The following NT5M variants were observed in gnomAD, a reference collection of about 807,000 sequenced individuals.
NT5M encodes 5'(3')-deoxyribonucleotidase, mitochondrial.
Under a neutral mutation model 22.2 loss-of-function variants are expected in NT5M, and 22 were observed. The observed-to-expected ratio is 0.99, with a 90% confidence interval of 0.71 to 1.41. The LOEUF (loss-of-function observed/expected upper bound fraction) is 1.41. Among genes scored for constraint, NT5M ranks in the 40% most tolerant of loss-of-function variants. The probability of loss-of-function intolerance (pLI) is 0.00; values close to 1 mark genes in which losing one functional copy is unlikely to be tolerated. For synonymous variants in NT5M, 167 were observed against 133.0 expected, an observed-to-expected ratio of 1.26 and a Z score of -1.76; for missense variants, 322 against 314.8, an observed-to-expected ratio of 1.02 and a Z score of -0.17.
chr17:17,319,930 C>T (rs1321641186), intron 2 of NT5M, among the ~76,000 whole-genome samples: 2 of 151,990 alleles, frequency 1.3e-5, no homozygotes, highest in East Asian at 3.9e-4. Flanking sequence ...GCAACCTCCG[C>T]CTTTTGGATT....
chr17:17,320,316 G>A (rs2049124455), intron 2 of NT5M, among the ~76,000 whole-genome samples: 1 of 152,324 alleles, frequency 6.6e-6, no homozygotes, highest in South Asian at 2.1e-4. Flanking sequence ...TGAAGAGTCA[G>A]TGGAGGTGGT....
intron 2 of NT5M, among the ~76,000 whole-genome samples, chr17:17,308,245 TAC>T (rs1291903381): frequency 6.6e-6 from 1 of 152,158 alleles, no homozygotes; most frequent in Non-Finnish European, 1.5e-5. Flanking sequence ...TGTTGACAAT[TAC>T]AGAGGATGTG....
intron 3 of NT5M, among the ~76,000 whole-genome samples, chr17:17,343,662 TGAGC>T: frequency 6.6e-6 from 1 of 152,238 alleles, no homozygotes; most frequent in East Asian, 1.9e-4. Flanking sequence ...GGCAGAGCCC[TGAGC>T]TCCCTGTGCA....
intron 2 of NT5M, among the ~76,000 whole-genome samples, chr17:17,313,563 G>GTT (rs1256419627): frequency 2.0e-5 from 3 of 152,224 alleles, no homozygotes; most frequent in Non-Finnish European, 4.4e-5. Context: ...CAGCAGCAGA[G>GTT]ACCAAGGCTG....
intron 3 of NT5M, among the ~76,000 whole-genome samples, chr17:17,339,149 T>C (rs2049587515): frequency 6.6e-6 from 1 of 152,226 alleles, no homozygotes. Context: ...CCACTTTTTG[T>C]GTCTTCAATT....
At chr17:17,320,359 A>T (rs1181254990) in intron 2 of NT5M, among the ~76,000 whole-genome samples, 1 of 152,006 alleles carries the variant, frequency 6.6e-6, no homozygotes, top group Non-Finnish European at 1.5e-5. Flanking sequence ...ACTCAGTTTG[A>T]CTAGGGTGAG....
intron 2 of NT5M, among the ~76,000 whole-genome samples, chr17:17,315,071 T>G (rs992198253): frequency 5.9e-5 from 9 of 152,172 alleles, no homozygotes; most frequent in Non-Finnish European, 4.4e-5. Flanking sequence ...CATCACACAC[T>G]CAAAATATTT....
At chr17:17,329,172 G>T (rs964569779) in intron 3 of NT5M, among the ~76,000 whole-genome samples, 1 of 152,108 alleles carries the variant, frequency 6.6e-6, no homozygotes, top group Non-Finnish European at 1.5e-5. Context: ...TAGAGACGGG[G>T]TTTCACTGTG....
intron 2 of NT5M, among the ~76,000 whole-genome samples, chr17:17,315,220 C>T (rs995289598): frequency 5.9e-5 from 9 of 152,098 alleles, no homozygotes; most frequent in South Asian, 2.1e-4. Context: ...TGCTCACTGT[C>T]GTGAAGCCTA....
chr17:17,329,070 C>CG (rs1266436039), intron 3 of NT5M, among the ~76,000 whole-genome samples: 5 of 152,152 alleles, frequency 3.3e-5, no homozygotes, highest in African/African-American at 1.2e-4. Context: ...CTCCCCATCC[C>CG]GGGTTCATGC....
intron 3 of NT5M, among the ~76,000 whole-genome samples, chr17:17,331,549 A>G (rs2049386552): frequency 6.6e-6 from 1 of 151,588 alleles, no homozygotes; most frequent in Non-Finnish European, 1.5e-5. Flanking sequence ...CCATTTCATC[A>G]TTGTAATAGG....
chr17:17,313,873 A>C (rs149777323), intron 2 of NT5M, among the ~76,000 whole-genome samples: 338 of 152,260 alleles, frequency 2.2e-3, no homozygotes, highest in African/African-American at 7.8e-3. Context: ...GCAGACGCCC[A>C]GGGGACTCTC....
chr17:17,328,536 G>A (rs935948538), intron 3 of NT5M, among the ~76,000 whole-genome samples: 2 of 152,156 alleles, frequency 1.3e-5, no homozygotes, highest in African/African-American at 4.8e-5. Context: ...CATGCCTGGG[G>A]GAGGCAAGGA....
chr17:17,329,841 G>A (rs893246106), intron 3 of NT5M, among the ~76,000 whole-genome samples: 2 of 152,146 alleles, frequency 1.3e-5, no homozygotes, highest in Middle Eastern at 3.4e-3. Context: ...GCGTGCTGAT[G>A]TGTGCCTGTA....
intron 3 of NT5M, among the ~76,000 whole-genome samples, chr17:17,340,038 G>T (rs1213259089): frequency 6.6e-6 from 1 of 152,092 alleles, no homozygotes; most frequent in African/African-American, 2.4e-5. Context: ...GTATATTTCT[G>T]AATAGTTTAA....
At chr17:17,343,818 G>A (rs1049408276) in intron 3 of NT5M, among the ~76,000 whole-genome samples, 6 of 152,290 alleles carry the variant, frequency 3.9e-5, no homozygotes, top group African/African-American at 1.4e-4. Context: ...GTGACTTAAG[G>A]GTTGGTTGCC....
rs116176604 is a variant in NT5M at position 17,336,801 on chromosome 17, G to A, written c.430-7993G>A. 9.0e-4 allele frequency among the ~76,000 whole-genome samples: 137 copies of A among 151,964 alleles called. 1 individual carries two copies. The highest frequency in any genetic ancestry group is 3.0e-3 in the African/African-American group (124 of 41,448). ...CCTGACCTCTTGATCCACCCTCCTCGGCCTTCCAAAGTGCTGGGTTGCTCT... is the reference window on the plus strand; with the variant it reads ...CCTGACCTCTTGATCCACCCTCCTCAGCCTTCCAAAGTGCTGGGTTGCTCT... On this transcript the variant is annotated intron_variant, in intron 3 of 4. Transcript: ENST00000389022.
At chr17:17,323,320 G>C in intron 3 of NT5M, 75 bp downstream of exon 3, 6 of 1,246,646 alleles carry the variant, frequency 4.8e-6, no homozygotes, top group Non-Finnish European at 7.1e-6. Context: ...CAGCCTGCCT[G>C]TGGAAAGGGG....
intron 3 of NT5M, among the ~76,000 whole-genome samples, chr17:17,332,892 A>G (rs996105544): frequency 6.6e-6 from 1 of 152,090 alleles, no homozygotes; most frequent in Non-Finnish European, 1.5e-5. Flanking sequence ...AGTGGAGGGT[A>G]TATGGGAACT....
Sources: gnomAD v4.1 joint callset for allele counts (sites outside exome capture counted in the v4.1 genomes callset) on GRCh38, gnomAD v4.1.1 for gene constraint, MANE v1.5 for transcripts, NCBI Gene and HGNC (gene_info 2026-07-23, HGNC 2026-07-21) for gene names.